ARID4A: variants seen among roughly 807,000 people sequenced by gnomAD.
ARID4A encodes AT-rich interaction domain 4A, also known as AT-rich interactive domain-containing protein 4A.
ARID4A carries 39 observed loss-of-function variants against 148.6 expected under a neutral mutation model. That is an observed-to-expected ratio of 0.26 (90% CI 0.20 to 0.34). The LOEUF is 0.34. ARID4A is among the 10% of genes least tolerant of loss of function. ARID4A has a pLI of 1.00. For synonymous variants in ARID4A, 475 were observed against 481.2 expected, an observed-to-expected ratio of 0.99 and a Z score of 0.17; for missense variants, 1,265 against 1,449.1, an observed-to-expected ratio of 0.87 and a Z score of 2.06.
intron 15 of ARID4A, 102 bp from the exon 16 acceptor site, chr14:58,350,971 A>T: frequency 3.2e-6 from 4 of 1,253,356 alleles, no homozygotes; most frequent in Non-Finnish European, 4.3e-6. Context: ...CCACGTTTCA[A>T]GCCAGAGACA....
intron 9 of ARID4A, among the ~76,000 whole-genome samples, chr14:58,328,699 A>C (rs760751405): frequency 1.6e-4 from 24 of 152,108 alleles, no homozygotes; most frequent in Non-Finnish European, 1.2e-4. Context: ...TCATGATTAC[A>C]ATCCAGACTT....
intron 8 of ARID4A, among the ~76,000 whole-genome samples, chr14:58,323,843 C>A (rs2033054107): frequency 6.6e-6 from 1 of 150,564 alleles, no homozygotes; most frequent in Non-Finnish European, 1.5e-5. Context: ...TATATTTCTT[C>A]CCTCATAATA....
intron 8 of ARID4A, among the ~76,000 whole-genome samples, chr14:58,326,703 G>C (rs2033233207): frequency 6.6e-6 from 1 of 152,136 alleles, no homozygotes; most frequent in South Asian, 2.1e-4. Context: ...GGAGGTGGCA[G>C]GAATCTATTT....
At chr14:58,303,794 T>G (rs2031383391) in intron 3 of ARID4A, 1 of 218,210 alleles carries the variant, frequency 4.6e-6, no homozygotes, top group Admixed American at 4.9e-5. Flanking sequence ...TAATAAGCCC[T>G]TTAAATATTT....
In ARID4A at chr14:58,370,884, T is replaced by G. The variant is rs188365976; in HGVS notation, c.3671-1002T>G. 3.2e-3 allele frequency among the ~76,000 whole-genome samples: 483 copies of G among 152,350 alleles called. 2 individuals are homozygous for G. The highest frequency in any genetic ancestry group is 0.011 in the African/African-American group (462 of 41,590). On this transcript the variant is annotated intron_variant, in intron 23 of 23. Coordinates refer to ENST00000355431, the MANE Select transcript of ARID4A (RefSeq NM_002892.4). ...CTTTGGCCTCCCAAAGTGCTGAGAT[T>G]ATAGGCATGAGCCAACATGCCCAGC... is the stretch of plus-strand genomic sequence containing the variant.
Position 58,351,157 on chromosome 14 carries a change from G to T in ARID4A, c.1489G>T (p.Asp497Tyr), listed in dbSNP as rs2034621021. ...AACAGAAGACAAATTAAAAGATAAT[G>T]ATACAGAAAATAAGGATGTAGATGA... ...EKTEDKLKDN[D>Y]TENKDVDDDY... The change falls in exon 16 of 24, where the codon GAT becomes TAT. Residue 497 changes from aspartate to tyrosine, a missense_variant. Physicochemically the swap from Asp to Tyr is radical, Grantham distance 160. Around this residue, in one of 9 missense-constraint regions of ARID4A, gnomAD observed 205 missense variants for 196.9 expected, o/e 1.04. Coordinates refer to ENST00000355431, the MANE Select transcript of ARID4A (RefSeq NM_002892.4). 1 of 1,610,312 alleles carries T rather than the reference G, an allele frequency of 6.2e-7. No individual in the cohort carries two copies. The highest frequency in any genetic ancestry group is 1.3e-5 in the African/African-American group (1 of 74,706).
intron 11 of ARID4A, among the ~76,000 whole-genome samples, chr14:58,338,380 G>A (rs888302716): frequency 6.6e-6 from 1 of 152,014 alleles, no homozygotes; most frequent in Non-Finnish European, 1.5e-5. Flanking sequence ...CTTCCTTCCC[G>A]TGAGTCCTCC....
intron 5 of ARID4A, among the ~76,000 whole-genome samples, chr14:58,308,974 A>G (rs2031812937): frequency 6.6e-6 from 1 of 152,222 alleles, no homozygotes; most frequent in Admixed American, 6.5e-5. Context: ...AGTCAGTGAT[A>G]TTAACTTCTT....
chr14:58,372,055 CA>C lies in ARID4A; in HGVS notation c.*68del. On this transcript the variant is annotated 3_prime_UTR_variant, in exon 24 of 24. Coordinates refer to ENST00000355431, the MANE Select transcript of ARID4A (RefSeq NM_002892.4). ...ACATAAATCCCCAAACCCTGAATTA[CA>C]ACCACAGAAAGCACTCAACTGGTTT... 8.7e-7 allele frequency: 1 copy of C among 1,148,920 alleles called. No individual in the cohort carries two copies. The highest frequency in any genetic ancestry group is 2.4e-5 in the East Asian group (1 of 41,174). The allele number at this position is 1,148,920 out of a possible 1,614,324, so 71.2% of individuals were successfully genotyped here. A position where few individuals can be genotyped will look rare whatever the true frequency, so the allele number is the denominator to read the frequency against.
intron 7 of ARID4A, among the ~76,000 whole-genome samples, chr14:58,320,736 T>G (rs376862223): frequency 6.6e-6 from 1 of 151,784 alleles, no homozygotes; most frequent in East Asian, 1.9e-4. Context: ...GCCTCCCGAG[T>G]AGCTGGGACT....
At chr14:58,371,842 G>C (rs1422756787) in intron 23 of ARID4A, 44 bp from the exon 24 acceptor site, 11 of 1,438,106 alleles carry the variant, frequency 7.6e-6, no homozygotes, top group Non-Finnish European at 1.1e-5. Context: ...GGGTATCTTT[G>C]TGTAACAGTT....
intron 23 of ARID4A, among the ~76,000 whole-genome samples, chr14:58,371,157 G>C (rs1388239703): frequency 2.6e-5 from 4 of 152,104 alleles, no homozygotes; most frequent in Admixed American, 2.6e-4. Flanking sequence ...GGGTACAGTG[G>C]CATGTCTTAG....
At chr14:58,313,587 C>T (rs1212303949) in intron 5 of ARID4A, among the ~76,000 whole-genome samples, 2 of 152,246 alleles carry the variant, frequency 1.3e-5, no homozygotes, top group South Asian at 2.1e-4. Flanking sequence ...GAAATTTGCT[C>T]ATCATACTAT....
intron 17 of ARID4A, among the ~76,000 whole-genome samples, chr14:58,354,465 T>G (rs964784623): frequency 1.3e-5 from 2 of 152,038 alleles, no homozygotes; most frequent in African/African-American, 4.8e-5. Context: ...GAAGGACTGC[T>G]TGAGGCCAGG....
At chr14:58,319,900 A>G (rs1274075824) in intron 7 of ARID4A, among the ~76,000 whole-genome samples, 5 of 141,586 alleles carry the variant, frequency 3.5e-5, no homozygotes, top group Middle Eastern at 3.4e-3. Flanking sequence ...TTTTTCACAC[A>G]TTTGCTTTAC....
chr14:58,316,450 T>G (rs1490051517), intron 5 of ARID4A, among the ~76,000 whole-genome samples: 2 of 152,316 alleles, frequency 1.3e-5, no homozygotes, highest in East Asian at 3.9e-4. Context: ...CAGAATACAG[T>G]CTCAAAAGTT....
chr14:58,334,619 A>C (rs1337968920), intron 11 of ARID4A, among the ~76,000 whole-genome samples: 1 of 152,174 alleles, frequency 6.6e-6, no homozygotes, highest in Non-Finnish European at 1.5e-5. Flanking sequence ...CTTCATAAAG[A>C]AATTGGGAGC....
intron 5 of ARID4A, among the ~76,000 whole-genome samples, chr14:58,312,802 T>C (rs1338095665): frequency 6.6e-6 from 1 of 152,202 alleles, no homozygotes; most frequent in Non-Finnish European, 1.5e-5. Context: ...TTTCTTTACC[T>C]ATAAAAGGAG....
At chr14:58,303,494 G>A in intron 3 of ARID4A, 1 of 470,102 alleles carries the variant, frequency 2.1e-6, no homozygotes, top group Non-Finnish European at 4.4e-6. Context: ...ATGCTGTATT[G>A]CAGTTTGCTT....
Sources: gnomAD v4.1 joint callset for allele counts (sites outside exome capture counted in the v4.1 genomes callset) on GRCh38, gnomAD v4.1.1 for gene constraint, gnomAD v4.1.1 regional missense constraint, MANE v1.5 for transcripts, NCBI Gene and HGNC (gene_info 2026-07-23, HGNC 2026-07-21) for gene names.